Variants in PCNX2 observed in about 807,000 individuals in gnomAD.
The protein encoded by PCNX2 is pecanex-like protein 2.
Under a neutral mutation model 223.8 loss-of-function variants are expected in PCNX2, and 168 were observed. The ratio of observed to expected loss-of-function variants is 0.75; its 90% confidence interval spans 0.66 to 0.85. The LOEUF (loss-of-function observed/expected upper bound fraction) is 0.85, where lower values mean the gene tolerates loss of function less well. PCNX2 is among the 40% of genes least tolerant of loss of function. The probability of loss-of-function intolerance (pLI) is 0.00; values close to 1 mark genes in which losing one functional copy is unlikely to be tolerated. For synonymous variants in PCNX2, 1,006 were observed against 1,052.6 expected (o/e 0.96, Z 0.86); for missense variants, 2,507 against 2,675.5 (o/e 0.94, Z 1.39).
chr1:233,021,888 A>C (rs1670900966), intron 26 of PCNX2, among the ~76,000 whole-genome samples: 2 of 152,222 alleles, frequency 1.3e-5, no homozygotes, highest in African/African-American at 4.8e-5. Flanking sequence ...GCACATTTCC[A>C]GCAGTTAGGA....
intron 23 of PCNX2, among the ~76,000 whole-genome samples, chr1:233,082,708 G>A (rs1673417339): frequency 6.6e-6 from 1 of 152,178 alleles, no homozygotes; most frequent in South Asian, 2.1e-4. Flanking sequence ...GATCTTACAA[G>A]TCACCCTTAA....
intron 8 of PCNX2, among the ~76,000 whole-genome samples, chr1:233,249,977 T>C (rs1659354386): frequency 6.6e-6 from 1 of 152,234 alleles, no homozygotes; most frequent in African/African-American, 2.4e-5. Context: ...GGTCACAGAC[T>C]CTGAAATTAA....
chr1:233,193,905 C>T (rs557655838), intron 15 of PCNX2, among the ~76,000 whole-genome samples: 63 of 152,012 alleles, frequency 4.1e-4, no homozygotes, highest in African/African-American at 1.5e-3. Flanking sequence ...CTATAGCATA[C>T]AAATGATGTG....
At chr1:233,071,950 GAA>G in intron 23 of PCNX2, among the ~76,000 whole-genome samples, 1 of 152,316 alleles carries the variant, frequency 6.6e-6, no homozygotes, top group East Asian at 1.9e-4. Context: ...GTATTCTTTT[GAA>G]AAGTGTCTGT....
rs532083830 is a variant in PCNX2, at chr1:233,130,948, C to T, written c.3837+4065G>A. ...GAAGCTGTCTGTTTCCTTCCTTGGC[C>T]TCCTGGCGCTTTGATCTCACTCTCT... On this transcript the variant is annotated intron_variant, in intron 21 of 33. Transcript: ENST00000258229. Among the ~76,000 whole-genome samples the T allele has an allele frequency of 4.7e-4, 67 of 141,208 alleles. 1 individual carries two copies. Among genetic ancestry groups the T allele is most frequent in the Non-Finnish European group, 7.2e-4 (47 of 65,098 alleles). The allele number at this position is 141,208 out of a possible 152,430, so 92.6% of individuals were successfully genotyped here.
intron 33 of PCNX2, chr1:232,985,558 T>C (rs1309421366): frequency 5.4e-6 from 1 of 186,546 alleles, no homozygotes; most frequent in South Asian, 1.8e-4. Flanking sequence ...CTCAGCTGGT[T>C]TGGGATTCTG....
At chr1:233,278,753 A>G (rs767371136) in intron 1 of PCNX2, among the ~76,000 whole-genome samples, 1 of 152,156 alleles carries the variant, frequency 6.6e-6, no homozygotes, top group Admixed American at 6.5e-5. Flanking sequence ...GAGGCCTGTG[A>G]GCAAGTCTTG....
At chr1:233,182,729 C>T (rs936148148) in intron 15 of PCNX2, among the ~76,000 whole-genome samples, 2 of 151,942 alleles carry the variant, frequency 1.3e-5, no homozygotes, top group Admixed American at 1.3e-4. Flanking sequence ...TCTGTCCTGA[C>T]TCCATTCCAT....
chr1:233,015,334 C>G (rs1277078545), intron 27 of PCNX2, among the ~76,000 whole-genome samples: 1 of 152,198 alleles, frequency 6.6e-6, no homozygotes, highest in Admixed American at 6.5e-5. Context: ...GTGAGGATCA[C>G]TTGAGCCCAG....
intron 1 of PCNX2, among the ~76,000 whole-genome samples, chr1:233,283,910 G>A (rs1341687194): frequency 6.6e-6 from 1 of 152,104 alleles, no homozygotes; most frequent in Non-Finnish European, 1.5e-5. Context: ...GGGGAAAATT[G>A]GTAATTTTAC....
chr1:233,220,836 G>C (rs1657332503), intron 10 of PCNX2, among the ~76,000 whole-genome samples: 1 of 152,142 alleles, frequency 6.6e-6, no homozygotes, highest in Admixed American at 6.5e-5. Flanking sequence ...TTGAAGAAAT[G>C]AACAAATGCA....
intron 25 of PCNX2, among the ~76,000 whole-genome samples, chr1:233,035,177 ACCTTCCATTG>A (rs1671410022): frequency 6.6e-6 from 1 of 152,190 alleles, no homozygotes; most frequent in Admixed American, 6.5e-5. Context: ...ATGATTTATA[ACCTTCCATTG>A]AGAACATTGC....
At chr1:233,009,028 C>T (rs745844904) in intron 28 of PCNX2, among the ~76,000 whole-genome samples, 7 of 152,138 alleles carry the variant, frequency 4.6e-5, no homozygotes, top group Admixed American at 1.3e-4. Flanking sequence ...TTGTGGACAG[C>T]GGGACAGTGT....
At position 232,999,578 on chromosome 1, in the gene PCNX2, C is replaced by T. The variant is rs187866497; in HGVS notation, c.5329-199G>A. 8.4e-4 allele frequency: 485 copies of T among 575,212 alleles called. 3 individuals carry two copies. Among genetic ancestry groups the T allele is most frequent in the African/African-American group, 7.9e-3 (414 of 52,648 alleles). The allele number at this position is 575,212 out of a possible 1,614,324, so 35.6% of individuals were successfully genotyped here. ...AAGCAATTCTCTTGCCTCAGCCTCC[C>T]GAGTAGCTGGAATTACAGGCATGTG... On this transcript the variant is annotated intron_variant, in intron 30 of 33. Transcript: ENST00000258229.
chr1:233,255,524 A>G lies in PCNX2; in HGVS notation c.1834+2504T>C, dbSNP rs566559825. 3.3e-5 allele frequency among the ~76,000 whole-genome samples: 5 copies of G among 152,304 alleles called. No individual in the cohort carries two copies. The East Asian group carries it at 9.7e-4, about 29-fold the overall frequency. Reference sequence around the variant, plus strand: ...ATGTGGGCGGTCCTCATTTATTTCCACAAAGTAAAATAAAATTGTGTCAAA... The same window carrying G: ...ATGTGGGCGGTCCTCATTTATTTCCGCAAAGTAAAATAAAATTGTGTCAAA... On this transcript the variant is annotated intron_variant, in intron 5 of 33. Coordinates refer to ENST00000258229, the MANE Select transcript of PCNX2 (RefSeq NM_014801.4).
intron 26 of PCNX2, chr1:233,018,859 C>A: frequency 1.0e-6 from 1 of 985,456 alleles, no homozygotes; most frequent in Non-Finnish European, 1.2e-6. Flanking sequence ...TTAATTGATG[C>A]TCTTCTCTGT....
chr1:233,241,378 T>C, intron 8 of PCNX2: 1 of 985,438 alleles, frequency 1.0e-6, no homozygotes, highest in Non-Finnish European at 1.2e-6. Flanking sequence ...CTTTCTAGAA[T>C]CAACCTCACA....
At chr1:233,245,955 TCAA>T (rs1048147517) in intron 8 of PCNX2, among the ~76,000 whole-genome samples, 39 of 151,040 alleles carry the variant, frequency 2.6e-4, no homozygotes, top group Middle Eastern at 6.8e-3. Context: ...AAACTTAAAA[TCAA>T]CAACATGAAA....
chr1:233,157,979 T>C (rs1678230338), intron 19 of PCNX2, among the ~76,000 whole-genome samples: 1 of 152,050 alleles, frequency 6.6e-6, no homozygotes, highest in Non-Finnish European at 1.5e-5. Context: ...CCAGCCTACT[T>C]CTATGGGATA....
Sources: allele counts gnomAD v4.1 joint callset (sites outside exome capture counted in the v4.1 genomes callset), GRCh38; gene constraint gnomAD v4.1.1; transcripts MANE v1.5; gene names NCBI Gene and HGNC (gene_info 2026-07-23, HGNC 2026-07-21).